FBXO42: variants seen among roughly 807,000 people sequenced by gnomAD.
The protein encoded by FBXO42 is F-box only protein 42.
Under a neutral mutation model 71.7 loss-of-function variants are expected in FBXO42, and 12 were observed. That is an observed-to-expected ratio of 0.17 (90% CI 0.11 to 0.27). The LOEUF is 0.27. Among genes scored for constraint, FBXO42 ranks in the 10% least tolerant of loss-of-function variants. The probability of loss-of-function intolerance (pLI) is 1.00; values close to 1 mark genes in which losing one functional copy is unlikely to be tolerated. For synonymous variants in FBXO42, 325 were observed against 327.5 expected (o/e 0.99, Z 0.08); for missense variants, 707 against 911.9 (o/e 0.78, Z 2.89).
intron 1 of FBXO42, among the ~76,000 whole-genome samples, chr1:16,347,856 G>C (rs2100647606): frequency 6.6e-6 from 1 of 152,232 alleles, no homozygotes; most frequent in East Asian, 1.9e-4. Context: ...AGCTGTGGTA[G>C]TGGGCGCCTG....
At chr1:16,277,205 T>C (rs1461675904) in intron 4 of FBXO42, among the ~76,000 whole-genome samples, 1 of 152,230 alleles carries the variant, frequency 6.6e-6, no homozygotes, top group Non-Finnish European at 1.5e-5. Flanking sequence ...CTTGTTATAC[T>C]GTCTGATATT....
At chr1:16,265,487 G>A (rs2081761406) in intron 4 of FBXO42, among the ~76,000 whole-genome samples, 1 of 151,944 alleles carries the variant, frequency 6.6e-6, no homozygotes, top group South Asian at 2.1e-4. Flanking sequence ...CCTATTATGT[G>A]CTAACTACTG....
chr1:16,279,897 A>T (rs1395586174), intron 4 of FBXO42, among the ~76,000 whole-genome samples: 1 of 128,936 alleles, frequency 7.8e-6, no homozygotes, highest in East Asian at 2.3e-4. Flanking sequence ...CCCAGGCTGG[A>T]GGGCAGTGGT....
At chr1:16,326,683 C>CAA (rs397860543) in intron 1 of FBXO42, among the ~76,000 whole-genome samples, 21 of 103,102 alleles carry the variant, frequency 2.0e-4, no homozygotes, top group Non-Finnish European at 1.2e-4. Context: ...AACCCTGTCT[C>CAA]AAAAAAAAAA....
intron 1 of FBXO42, among the ~76,000 whole-genome samples, chr1:16,345,847 CAAAAA>C (rs34529034): frequency 1.7e-5 from 2 of 117,428 alleles, no homozygotes. Context: ...GACTCCGTCT[CAAAAA>C]AAAAAAAAAA....
In FBXO42 at chr1:16,336,088, C is replaced by T. The variant is rs892864255; in HGVS notation, c.-18+16167G>A. On this transcript the variant is annotated intron_variant, in intron 1 of 9. Transcript: ENST00000375592. ...AAGTTGCTGGGATTACAGGCGCCTG[C>T]CACCATGCCCGGCTAATTTTTCTGT... Among the ~76,000 whole-genome samples the T allele has an allele frequency of 2.0e-5, 3 of 151,492 alleles. No individual in the cohort carries two copies. In the East Asian group the frequency reaches 6.0e-4, roughly 30 times the overall value.
rs774701441 is a variant in FBXO42 at position 16,251,821 on chromosome 1, T to C, written c.1039-36A>G. 2.5e-6 allele frequency: 4 copies of C among 1,568,724 alleles called. No homozygotes were observed. In the Admixed American group the frequency reaches 7.5e-5, roughly 30 times the overall value. On this transcript the variant is annotated intron_variant, in intron 9 of 9. Coordinates refer to ENST00000375592, the MANE Select transcript of FBXO42 (RefSeq NM_018994.3). This position sits in a 1 kb window ranked among gnomAD's most constrained non-coding sequence, Gnocchi z 4.5. Reference sequence around the variant, plus strand: ...AAGGACCAGTGCTCACACTCTTCTATGATTCTGATTGTTCATTCAACTGTC... The same window carrying C: ...AAGGACCAGTGCTCACACTCTTCTACGATTCTGATTGTTCATTCAACTGTC...
intron 4 of FBXO42, chr1:16,293,824 C>T (rs2082103326): frequency 6.6e-6 from 1 of 152,160 alleles, no homozygotes; most frequent in Admixed American, 6.5e-5. Flanking sequence ...AGTACTACTC[C>T]ACATTTCTCC....
intron 1 of FBXO42, among the ~76,000 whole-genome samples, chr1:16,338,260 C>CA (rs146432170): frequency 0.2 from 26,377 of 135,054 alleles, 2,637 homozygotes; most frequent in Non-Finnish European, 0.23. Flanking sequence ...GACTCCATCT[C>CA]AAAAAAAAAG....
At chr1:16,274,294 T>C (rs1305384104) in intron 4 of FBXO42, among the ~76,000 whole-genome samples, 1 of 149,554 alleles carries the variant, frequency 6.7e-6, no homozygotes, top group Non-Finnish European at 1.5e-5. Flanking sequence ...GGTGACAGAA[T>C]GAAACTTTGT....
intron 1 of FBXO42, among the ~76,000 whole-genome samples, chr1:16,320,836 A>C (rs2082404879): frequency 6.6e-6 from 1 of 152,044 alleles, no homozygotes; most frequent in African/African-American, 2.4e-5. Context: ...TTATATTTTT[A>C]ACCTCCACTC....
At chr1:16,271,467 G>C (rs2081844971) in intron 4 of FBXO42, among the ~76,000 whole-genome samples, 1 of 151,940 alleles carries the variant, frequency 6.6e-6, no homozygotes. Flanking sequence ...TTTAAGTAGA[G>C]ATGGGGTTTC....
chr1:16,300,558 G>T, intron 3 of FBXO42, among the ~76,000 whole-genome samples: 1 of 152,144 alleles, frequency 6.6e-6, no homozygotes, highest in East Asian at 1.9e-4. Context: ...TCCAGGGAAA[G>T]ATCCTGAGGC....
chr1:16,297,386 C>T (rs964522373), intron 3 of FBXO42, among the ~76,000 whole-genome samples: 2 of 152,158 alleles, frequency 1.3e-5, no homozygotes, highest in African/African-American at 4.8e-5. Context: ...CCCATAATCT[C>T]AGTCAGTGGA....
chr1:16,276,772 A>T (rs2100490057), intron 4 of FBXO42, among the ~76,000 whole-genome samples: 1 of 152,366 alleles, frequency 6.6e-6, no homozygotes, highest in Non-Finnish European at 1.5e-5. Context: ...AGATGATTTG[A>T]GACTTTTACT....
chr1:16,324,982 A>G (rs985591628), intron 1 of FBXO42, among the ~76,000 whole-genome samples: 1 of 152,092 alleles, frequency 6.6e-6, no homozygotes, highest in African/African-American at 2.4e-5. Context: ...TCACACCAGT[A>G]AACCCAACAC....
At chr1:16,263,134 ATTT>A (rs201966154) in intron 4 of FBXO42, among the ~76,000 whole-genome samples, 1 of 151,248 alleles carries the variant, frequency 6.6e-6, no homozygotes, top group South Asian at 2.1e-4. Flanking sequence ...AACTTTATTC[ATTT>A]TTTTTTAAGT....
rs2081584291 is a variant in FBXO42, at chr1:16,250,897, G to C, written c.1927C>G (p.Pro643Ala). Reference sequence around the variant, plus strand: ...ATGTCCAGCACGTACATCTGCATGGGCTTGCAGTTCATACTCTGGTATAGG... The same window carrying C: ...ATGTCCAGCACGTACATCTGCATGGCCTTGCAGTTCATACTCTGGTATAGG... Reference protein sequence around the residue: ...KPLYQSMNCKPMQMYVLDIKD... With the variant: ...KPLYQSMNCKAMQMYVLDIKD... Residue 643 changes from proline to alanine, a missense_variant, in exon 10 of 10, where the codon CCC becomes GCC. Coordinates refer to ENST00000375592, the MANE Select transcript of FBXO42 (RefSeq NM_018994.3). The surrounding 1 kb of genome is among the most constrained non-coding windows in gnomAD (Gnocchi z 4.7). 6.2e-7 allele frequency: 1 copy of C among 1,614,040 alleles called. No homozygotes were observed. Among genetic ancestry groups the C allele is most frequent in the African/African-American group, 1.3e-5 (1 of 74,912 alleles).
intron 4 of FBXO42, among the ~76,000 whole-genome samples, chr1:16,271,258 GGTGTGTGTGTGTGTGTGTGTGTGT>G (rs57827739): frequency 2.4e-4 from 33 of 137,506 alleles, no homozygotes; most frequent in Non-Finnish European, 4.0e-4. Context: ...TGTGTGTGTT[GGTGTGTGTGTGTGTGTGTGTGTGT>G]GTGTGTGTGT....
Sources: allele counts gnomAD v4.1 joint callset (sites outside exome capture counted in the v4.1 genomes callset), GRCh38; gene constraint gnomAD v4.1.1; non-coding constraint Gnocchi (gnomAD v3.1); transcripts MANE v1.5; gene names NCBI Gene and HGNC (gene_info 2026-07-23, HGNC 2026-07-21).